Variants in ASTN2 observed in about 807,000 individuals in gnomAD.
ASTN2 encodes the protein astrotactin-2.
A neutral mutation model predicts 139.8 loss-of-function variants in ASTN2; 54 were observed. The observed-to-expected ratio is 0.39, with a 90% CI of 0.31 to 0.48. The LOEUF (loss-of-function observed/expected upper bound fraction) is 0.48. Among genes scored for constraint, ASTN2 ranks in the 20% least tolerant of loss-of-function variants. ASTN2 has a pLI of 0.95. For missense variants in ASTN2, 1,565 were observed against 1,725.1 expected (o/e 0.91, Z 1.64); for synonymous variants, 756 against 719.5 (o/e 1.05, Z -0.81).
chr9:117,392,297 C>T (rs1830561505), intron 1 of ASTN2, among the ~76,000 whole-genome samples: 1 of 152,082 alleles, frequency 6.6e-6, no homozygotes, highest in African/African-American at 2.4e-5. Flanking sequence ...AAGCTTTGAT[C>T]ATAGGTTAAA....
At chr9:116,805,916 G>A (rs1831018604) in intron 12 of ASTN2, 96 bp from the exon 13 acceptor site, 4 of 1,269,212 alleles carry the variant, frequency 3.2e-6, no homozygotes, top group Admixed American at 2.1e-5. Context: ...TGCAAAACAG[G>A]TCAGAGTTTA....
intron 7 of ASTN2, among the ~76,000 whole-genome samples, chr9:116,982,119 C>T (rs1317800691): frequency 2.0e-5 from 3 of 152,242 alleles, no homozygotes; most frequent in African/African-American, 7.2e-5. Context: ...ACAATGCTTT[C>T]TTGCCAACCA....
At chr9:117,218,599 A>T (rs1832410019) in intron 2 of ASTN2, among the ~76,000 whole-genome samples, 2 of 152,200 alleles carry the variant, frequency 1.3e-5, no homozygotes, top group African/African-American at 4.8e-5. Flanking sequence ...ACCCTGAAAA[A>T]GTAGTGGAAT....
intron 19 of ASTN2, chr9:116,552,267 A>T (rs752737857): frequency 1.1e-4 from 16 of 152,222 alleles, no homozygotes; most frequent in Non-Finnish European, 4.4e-5. Context: ...TAGAAAGGGC[A>T]TATCACTGGG....
At chr9:116,520,170 TA>T (rs1850808333) in intron 19 of ASTN2, among the ~76,000 whole-genome samples, 1 of 152,006 alleles carries the variant, frequency 6.6e-6, no homozygotes, top group East Asian at 1.9e-4. Context: ...ATCATCCTAA[TA>T]CCAAAACCAG....
At chr9:116,992,976 C>T (rs548877427) in intron 7 of ASTN2, among the ~76,000 whole-genome samples, 5 of 152,194 alleles carry the variant, frequency 3.3e-5, no homozygotes, top group Non-Finnish European at 7.3e-5. Context: ...TCACATCAGT[C>T]TTCCCCATCA....
intron 13 of ASTN2, among the ~76,000 whole-genome samples, chr9:116,803,463 G>C (rs887496484): frequency 8.0e-6 from 1 of 125,378 alleles, no homozygotes; most frequent in African/African-American, 2.8e-5. Context: ...CTACAGACAT[G>C]TACCACCAAG....
At chr9:117,185,357 C>T (rs566281498) in intron 3 of ASTN2, among the ~76,000 whole-genome samples, 1 of 152,220 alleles carries the variant, frequency 6.6e-6, no homozygotes, top group East Asian at 1.9e-4. Flanking sequence ...CAAGGCACAC[C>T]AGCCCTGCTC....
intron 19 of ASTN2, among the ~76,000 whole-genome samples, chr9:116,510,669 T>C (rs1444771442): frequency 6.6e-6 from 1 of 152,196 alleles, no homozygotes; most frequent in Non-Finnish European, 1.5e-5. Context: ...GTAACCTCTT[T>C]TATTTCGTTG....
chr9:116,797,432 T>A (rs1047667911), intron 13 of ASTN2, among the ~76,000 whole-genome samples: 4 of 151,308 alleles, frequency 2.6e-5, no homozygotes, highest in African/African-American at 9.7e-5. Context: ...AGTTCAGGAG[T>A]CAGAATGCCA....
Position 116,849,997 on chromosome 9 carries a change from GA to G in ASTN2, c.2040+13585del, listed in dbSNP as rs567024680. On this transcript the variant is annotated intron_variant, in intron 11 of 22. Coordinates refer to ENST00000313400, the MANE Select transcript of ASTN2 (RefSeq NM_001365068.1). ...TGTTGCAGAGAGCAATTTAAAAGAA[GA>G]AAAAAAATCCTTCTCTGAATGGAGA... is the stretch of plus-strand genomic sequence containing the variant. Among the ~76,000 whole-genome samples the G allele has an allele frequency of 2.8e-3, 427 of 152,018 alleles. 3 individuals carry two copies. The highest frequency in any genetic ancestry group is 4.8e-3 in the Non-Finnish European group (326 of 67,918).
chr9:116,826,383 TA>T (rs1337789881), intron 11 of ASTN2, among the ~76,000 whole-genome samples: 3 of 152,292 alleles, frequency 2.0e-5, no homozygotes, highest in East Asian at 3.9e-4. Flanking sequence ...AATGCTGGAC[TA>T]TGTCCCAGGC....
At chr9:117,316,441 G>A (rs1253187846) in intron 1 of ASTN2, among the ~76,000 whole-genome samples, 2 of 152,124 alleles carry the variant, frequency 1.3e-5, no homozygotes, top group Admixed American at 6.6e-5. Flanking sequence ...TCACTAAATG[G>A]TAGTTTCTTC....
chr9:117,028,854 T>C (rs1178690861), intron 6 of ASTN2, among the ~76,000 whole-genome samples: 1 of 152,164 alleles, frequency 6.6e-6, no homozygotes, highest in Non-Finnish European at 1.5e-5. Flanking sequence ...AAAGGGACTT[T>C]GAACCCCAGT....
At chr9:117,117,640 G>T (rs1391498002) in intron 4 of ASTN2, among the ~76,000 whole-genome samples, 1 of 152,150 alleles carries the variant, frequency 6.6e-6, no homozygotes, top group East Asian at 1.9e-4. Flanking sequence ...CTACCCCATG[G>T]TACTGCAGAT....
intron 13 of ASTN2, among the ~76,000 whole-genome samples, chr9:116,788,228 C>T (rs1015388745): frequency 1.6e-4 from 24 of 152,004 alleles, no homozygotes; most frequent in Admixed American, 1.2e-3. Flanking sequence ...TACAATGTTT[C>T]GATTAGACAG....
At chr9:116,427,516 A>C (rs1057402265) in intron 22 of ASTN2, among the ~76,000 whole-genome samples, 1 of 152,204 alleles carries the variant, frequency 6.6e-6, no homozygotes, top group African/African-American at 2.4e-5. Flanking sequence ...AGCATCTTCA[A>C]GATGCCAGGC....
At chr9:117,398,874 C>T (rs1048427025) in intron 1 of ASTN2, among the ~76,000 whole-genome samples, 5 of 152,160 alleles carry the variant, frequency 3.3e-5, no homozygotes, top group South Asian at 4.1e-4. Context: ...CTCCGCCTCC[C>T]GGGTTCAAGC....
At chr9:116,581,235 C>G (rs1053169633) in intron 19 of ASTN2, among the ~76,000 whole-genome samples, 7 of 152,128 alleles carry the variant, frequency 4.6e-5, no homozygotes, top group African/African-American at 1.4e-4. Context: ...CTTGTCTCAG[C>G]TGGATGGCAA....
Sources: gnomAD v4.1 joint callset for allele counts (sites outside exome capture counted in the v4.1 genomes callset) on GRCh38, gnomAD v4.1.1 for gene constraint, MANE v1.5 for transcripts, NCBI Gene and HGNC (gene_info 2026-07-23, HGNC 2026-07-21) for gene names.